Variants in MYO1D observed in about 807,000 individuals in gnomAD.
MYO1D encodes myosin ID.
MYO1D carries 83 observed loss-of-function variants against 122.0 expected under a neutral mutation model. The ratio of observed to expected loss-of-function variants is 0.68; its 90% confidence interval spans 0.57 to 0.82. The LOEUF (loss-of-function observed/expected upper bound fraction) is 0.82, where lower values mean the gene tolerates loss of function less well. Ranked by LOEUF, MYO1D falls within the 40% of genes least tolerant of loss-of-function variation. MYO1D has a pLI of 0.00. For synonymous variants in MYO1D, 464 were observed against 446.9 expected, an observed-to-expected ratio of 1.04 and a Z score of -0.48; for missense variants, 1,157 against 1,269.5, an observed-to-expected ratio of 0.91 and a Z score of 1.35.
At chr17:32,748,902 C>A (rs2089868896) in intron 12 of MYO1D, 34 bp downstream of exon 12, 3 of 1,563,336 alleles carry the variant, frequency 1.9e-6, no homozygotes, top group East Asian at 2.2e-5. Context: ...AGGCGGCATG[C>A]AAATCATGGT....
intron 21 of MYO1D, among the ~76,000 whole-genome samples, chr17:32,595,351 A>C (rs948781851): frequency 6.6e-6 from 1 of 152,244 alleles, no homozygotes; most frequent in Non-Finnish European, 1.5e-5. Context: ...ATGAAAAGAA[A>C]TGATAAATGT....
intron 14 of MYO1D, among the ~76,000 whole-genome samples, chr17:32,732,434 C>T (rs969715823): frequency 1.3e-5 from 2 of 152,300 alleles, no homozygotes; most frequent in South Asian, 4.2e-4. Flanking sequence ...AATGGGATAA[C>T]CTGCCTGTGG....
intron 11 of MYO1D, among the ~76,000 whole-genome samples, chr17:32,753,792 G>A (rs1256662414): frequency 2.0e-5 from 3 of 152,070 alleles, no homozygotes; most frequent in African/African-American, 7.2e-5. Flanking sequence ...CAGCTACTTG[G>A]GAGGCTGAGG....
chr17:32,797,923 T>C (rs1296785980), intron 1 of MYO1D, among the ~76,000 whole-genome samples: 2 of 152,264 alleles, frequency 1.3e-5, no homozygotes, highest in Non-Finnish European at 2.9e-5. Flanking sequence ...TAATTATACA[T>C]TTACTAAATA....
At chr17:32,863,535 A>C (rs2091095811) in intron 1 of MYO1D, among the ~76,000 whole-genome samples, 1 of 152,262 alleles carries the variant, frequency 6.6e-6, no homozygotes, top group South Asian at 2.1e-4. Flanking sequence ...GCACACAGAA[A>C]GCAACGATAG....
chr17:32,594,420 C>A, intron 21 of MYO1D: 1 of 430,570 alleles, frequency 2.3e-6, no homozygotes, highest in Non-Finnish European at 4.1e-6. Context: ...TTTAAAATAT[C>A]TTTCCTTACT....
At chr17:32,774,653 C>T (rs1298843356) in intron 4 of MYO1D, among the ~76,000 whole-genome samples, 1 of 152,102 alleles carries the variant, frequency 6.6e-6, no homozygotes, top group Non-Finnish European at 1.5e-5. Context: ...CAAAAGGATC[C>T]TTTTGATTGA....
In MYO1D at chr17:32,587,271, G is replaced by C. The variant is rs182879087; in HGVS notation, c.2864+17816C>G. On this transcript the variant is annotated intron_variant, in intron 21 of 21. Transcript: ENST00000318217. ...TCACGCCTGTAATTCCAGCACTTTG[G>C]GAAGCTGAGGTGAGCGGAACACTTG... 4.6e-3 allele frequency among the ~76,000 whole-genome samples: 697 copies of C among 152,314 alleles called. 4 individuals carry two copies. Among genetic ancestry groups the C allele is most frequent in the Admixed American group, 7.1e-3 (109 of 15,298 alleles).
At chr17:32,682,657 C>T (rs2088938212) in intron 16 of MYO1D, among the ~76,000 whole-genome samples, 1 of 119,764 alleles carries the variant, frequency 8.3e-6, no homozygotes, top group Non-Finnish European at 1.7e-5. Context: ...GAGGGTAACC[C>T]GACCTTTCTC....
At chr17:32,813,667 G>A (rs1242214103) in intron 1 of MYO1D, among the ~76,000 whole-genome samples, 4 of 152,206 alleles carry the variant, frequency 2.6e-5, no homozygotes, top group Non-Finnish European at 5.9e-5. Flanking sequence ...CTAGAGAAAA[G>A]AGAGGAGAAT....
chr17:32,814,403 T>A (rs2090597158), intron 1 of MYO1D, among the ~76,000 whole-genome samples: 2 of 152,208 alleles, frequency 1.3e-5, no homozygotes, highest in Admixed American at 1.3e-4. Context: ...TTATCCCTTC[T>A]TTTTTTCCTA....
intron 21 of MYO1D, among the ~76,000 whole-genome samples, chr17:32,532,225 T>G (rs1278888278): frequency 6.6e-6 from 1 of 152,242 alleles, no homozygotes; most frequent in Non-Finnish European, 1.5e-5. Flanking sequence ...TTTTCTGATT[T>G]GCACCTTTCT....
chr17:32,819,606 A>C (rs1336087426), intron 1 of MYO1D, among the ~76,000 whole-genome samples: 1 of 152,200 alleles, frequency 6.6e-6, no homozygotes, highest in Non-Finnish European at 1.5e-5. Context: ...CAGGAAAGCA[A>C]TGACCCCAAA....
At chr17:32,847,644 AG>A (rs2090950102) in intron 1 of MYO1D, among the ~76,000 whole-genome samples, 2 of 152,212 alleles carry the variant, frequency 1.3e-5, no homozygotes, top group South Asian at 4.2e-4. Context: ...CCTCCCAAGT[AG>A]TTGGGATTAC....
chr17:32,648,751 G>A (rs575695486), intron 19 of MYO1D, among the ~76,000 whole-genome samples: 6 of 152,294 alleles, frequency 3.9e-5, no homozygotes, highest in African/African-American at 1.4e-4. Flanking sequence ...CCTTTTAATT[G>A]CGGTGTGTTT....
chr17:32,564,347 T>C (rs1238284883), intron 21 of MYO1D, among the ~76,000 whole-genome samples: 1 of 152,238 alleles, frequency 6.6e-6, no homozygotes, highest in Non-Finnish European at 1.5e-5. Flanking sequence ...GAAGCTGACA[T>C]CAGCTTCCTT....
At chr17:32,539,117 A>G (rs981450063) in intron 21 of MYO1D, among the ~76,000 whole-genome samples, 22 of 152,160 alleles carry the variant, frequency 1.4e-4, no homozygotes, top group Admixed American at 2.0e-4. Context: ...TAAAATAAAT[A>G]AATAAATAAA....
At chr17:32,788,054 C>CGTGT (rs149464476) in intron 1 of MYO1D, among the ~76,000 whole-genome samples, 36 of 150,792 alleles carry the variant, frequency 2.4e-4, no homozygotes, top group African/African-American at 7.0e-4. Flanking sequence ...CTGCTATAAA[C>CGTGT]GTGTGTGTGT....
intron 1 of MYO1D, among the ~76,000 whole-genome samples, chr17:32,848,432 G>A (rs1005635692): frequency 2.0e-5 from 3 of 152,192 alleles, no homozygotes; most frequent in African/African-American, 7.2e-5. Flanking sequence ...AAGTACATGG[G>A]AGTTCCTGTA....
Sources: allele counts gnomAD v4.1 joint callset (sites outside exome capture counted in the v4.1 genomes callset), GRCh38; gene constraint gnomAD v4.1.1; transcripts MANE v1.5; gene names NCBI Gene and HGNC (gene_info 2026-07-23, HGNC 2026-07-21).